POU3F1: variants seen among roughly 807,000 people sequenced by gnomAD.
POU3F1 encodes POU domain, class 3, transcription factor 1.
In POU3F1, 1 loss-of-function variant was observed where a neutral mutation model predicts 7.6. The observed-to-expected ratio is 0.13, with a 90% CI of 0.05 to 0.62. POU3F1 has a LOEUF of 0.62. Among genes scored for constraint, POU3F1 ranks in the 20% least tolerant of loss-of-function variants. POU3F1 has a pLI of 0.87. For missense variants in POU3F1, 505 were observed against 679.3 expected, an observed-to-expected ratio of 0.74 and a Z score of 2.85; for synonymous variants, 354 against 339.0, an observed-to-expected ratio of 1.04 and a Z score of -0.49.
chr1:38,046,657 C>G lies in POU3F1; in HGVS notation c.87G>C (p.Ala29=). The change falls in exon 1 of 1, where the codon GCG becomes GCC. Residue 29 remains alanine (A), a synonymous_variant. Coordinates refer to ENST00000373012, the MANE Select transcript of POU3F1 (RefSeq NM_002699.4). This position sits in a 1 kb window ranked among gnomAD's most constrained non-coding sequence, Gnocchi z 9.5. ...TGPLMHPDAA[A]AAAAAAAAER... is the part of the protein sequence containing the mutation. ...CCGCGGCCGCCGCCGCCGCCGCCGC[C>G]GCCGCGGCGTCCGGGTGCATAAGCG... 7.7e-7 allele frequency: 1 copy of G among 1,297,326 alleles called. No individual in the cohort carries two copies. The highest frequency in any genetic ancestry group is 9.8e-7 in the Non-Finnish European group (1 of 1,020,626). The allele number at this position is 1,297,326 out of a possible 1,614,324, so 80.4% of individuals were successfully genotyped here. A position where few individuals can be genotyped will look rare whatever the true frequency, so the allele number is the denominator to read the frequency against.
Position 38,046,565 on chromosome 1 carries a change from G to C in POU3F1, c.179C>G (p.Ala60Gly). The C allele has an allele frequency of 7.3e-7, 1 of 1,374,206 alleles. No individual in the cohort carries two copies. The highest frequency in any genetic ancestry group is 1.6e-5 in the South Asian group (1 of 64,476). 85.1% of individuals were successfully genotyped at this position (1,374,206 alleles called of 1,614,324 possible). A position where few individuals can be genotyped will look rare whatever the true frequency, so the allele number is the denominator to read the frequency against. Reference protein sequence around the residue: ...QKLMHHEWLGAGAGHPVGLAH... With the variant: ...QKLMHHEWLGGGAGHPVGLAH... ...TAGGCCCACGGGGTGGCCCGCGCCC[G>C]CGCCCAGCCACTCGTGGTGCATCAG... Residue 60 changes from alanine (A) to glycine (G), a missense_variant, in exon 1 of 1, where the codon GCG becomes GGG. Physicochemically the swap from Ala to Gly is moderately conservative, Grantham distance 60. Transcript: ENST00000373012. The surrounding 1 kb of genome is among the most constrained non-coding windows in gnomAD (Gnocchi z 9.5).
At position 38,045,187 on chromosome 1, in the gene POU3F1, G is replaced by T. The variant is rs1031018589; in HGVS notation, c.*201C>A. 2 of 171,844 alleles carry T rather than the reference G, an allele frequency of 1.2e-5. No homozygotes were observed. Among genetic ancestry groups the T allele is most frequent in the Non-Finnish European group, 1.2e-5 (1 of 82,628 alleles). 10.6% of individuals were successfully genotyped at this position (171,844 alleles called of 1,614,324 possible). A position where few individuals can be genotyped will look rare whatever the true frequency, so the allele number is the denominator to read the frequency against. ...CCGGATCTTCGCTCCTCTCTCCCGG[G>T]GCTCGGGCGACGCAGCCTACCGGGC... is the stretch of plus-strand genomic sequence containing the variant. On this transcript the variant is annotated 3_prime_UTR_variant, in exon 1 of 1. Transcript: ENST00000373012. This position sits in a 1 kb window ranked among gnomAD's most constrained non-coding sequence, Gnocchi z 9.4.
At position 38,045,741 on chromosome 1, in the gene POU3F1, C is replaced by G; in HGVS notation, c.1003G>C (p.Ala335Pro). The change falls in exon 1 of 1, where the codon GCG becomes CCG. Residue 335 changes from alanine (A) to proline (P), a missense_variant. Coordinates refer to ENST00000373012, the MANE Select transcript of POU3F1 (RefSeq NM_002699.4). The surrounding 1 kb of genome is among the most constrained non-coding windows in gnomAD (Gnocchi z 9.4). Reference sequence around the variant, plus strand: ...CGCTTCTTGCGCTTGCGGCCCTGCGCCGCGATCTTGTCCAGGTTGGTGGGG... The same window carrying G: ...CGCTTCTTGCGCTTGCGGCCCTGCGGCGCGATCTTGTCCAGGTTGGTGGGG... ...GSPTNLDKIA[A>P]QGRKRKKRTS... The G allele has an allele frequency of 1.2e-6, 2 of 1,613,566 alleles. No homozygotes were observed. The highest frequency in any genetic ancestry group is 1.7e-6 in the Non-Finnish European group (2 of 1,179,834).
Position 38,046,372 on chromosome 1 carries a change from C to T in POU3F1, c.372G>A (p.Ala124=), listed in dbSNP as rs1468399026. The T allele has an allele frequency of 5.7e-6, 7 of 1,220,620 alleles. No individual in the cohort carries two copies. Among genetic ancestry groups the T allele is most frequent in the Non-Finnish European group, 6.1e-6 (6 of 985,354 alleles). The allele number at this position is 1,220,620 out of a possible 1,614,324, so 75.6% of individuals were successfully genotyped here. A position where few individuals can be genotyped will look rare whatever the true frequency, so the allele number is the denominator to read the frequency against. ...ARLVHQGAAH[A]GAAWAQGSTA... The stretch of plus-strand genomic sequence containing the variant: ...TGCTGCCCTGCGCCCATGCCGCGCC[C>T]GCGTGGGCCGCCCCCTGGTGCACCA... Residue 124 remains alanine, a synonymous_variant, in exon 1 of 1, where the codon GCG becomes GCA. Transcript: ENST00000373012. The surrounding 1 kb of genome is among the most constrained non-coding windows in gnomAD (Gnocchi z 9.5).
chr1:38,046,098 C>T lies in POU3F1; in HGVS notation c.646G>A (p.Gly216Arg), dbSNP rs536460366. 8.3e-6 allele frequency: 11 copies of T among 1,324,158 alleles called. No homozygotes were observed. The highest frequency in any genetic ancestry group is 1.4e-5 in the South Asian group (1 of 70,580). 82.0% of individuals were successfully genotyped at this position (1,324,158 alleles called of 1,614,324 possible). The change falls in exon 1 of 1, where the codon GGA (glycine) becomes AGA (arginine). Residue 216 changes from glycine (G) to arginine (R), a missense_variant. By Grantham distance (125) the Gly-to-Arg change is moderately radical (BLOSUM62 -2). This residue lies in a region of POU3F1 where 361 missense variants were observed against 382.1 expected (regional missense o/e 0.94). Transcript: ENST00000373012. This position sits in a 1 kb window ranked among gnomAD's most constrained non-coding sequence, Gnocchi z 9.5. ...TGCAGGCCGCCCGCGTGTGCATGTCCGTGTGCGTGTCCGTGGGCGCCCAGA... is the reference window on the plus strand; with the variant it reads ...TGCAGGCCGCCCGCGTGTGCATGTCTGTGTGCGTGTCCGTGGGCGCCCAGA... ...PHLGAHGHAH[G>R]HAHAGGLHAA...
In POU3F1 at chr1:38,044,273, G is replaced by GGCATCCC. The variant is rs1276963500; in HGVS notation, c.*1108_*1114dup. Among the ~76,000 whole-genome samples, 4 of 152,380 alleles carry GGCATCCC rather than the reference G, an allele frequency of 2.6e-5. No individual in the cohort carries two copies. The highest frequency in any genetic ancestry group is 4.1e-4 in the South Asian group (2 of 4,832). On this transcript the variant is annotated 3_prime_UTR_variant, in exon 1 of 1. Coordinates refer to ENST00000373012, the MANE Select transcript of POU3F1 (RefSeq NM_002699.4). ...GGGAATTTCTCTCCCGGCCTCCCCT[G>GGCATCCC]GCATCCCGCATCCCGGCGGGCTGGA...
chr1:38,045,464 G>A lies in POU3F1; in HGVS notation c.1280C>T (p.Pro427Leu), dbSNP rs1391156380. 4.1e-6 allele frequency: 6 copies of A among 1,461,162 alleles called. No individual in the cohort carries two copies. The highest frequency in any genetic ancestry group is 2.5e-5 in the East Asian group (1 of 39,820). The allele number at this position is 1,461,162 out of a possible 1,614,324, so 90.5% of individuals were successfully genotyped here. The change falls in exon 1 of 1, where the codon CCC becomes CTC. Residue 427 changes from proline to leucine, a missense_variant. By Grantham distance (98) the Pro-to-Leu change is moderately conservative. Coordinates refer to ENST00000373012, the MANE Select transcript of POU3F1 (RefSeq NM_002699.4). This position sits in a 1 kb window ranked among gnomAD's most constrained non-coding sequence, Gnocchi z 9.4. The stretch of plus-strand genomic sequence containing the variant: ...CGGCGGGGGCGGTGGGGGCGCGGAG[G>A]GTGGCGATGCGCCGCCCCCGCCAGG... ...LGPGGGGASP[P>L]SAPPPPPPAA...
In POU3F1 at chr1:38,046,760, C is replaced by T; in HGVS notation, c.-17G>A. 1.0e-6 allele frequency: 1 copy of T among 983,102 alleles called. No individual in the cohort carries two copies. Among genetic ancestry groups the T allele is most frequent in the Non-Finnish European group, 1.2e-6 (1 of 831,112 alleles). 60.9% of individuals were successfully genotyped at this position (983,102 alleles called of 1,614,324 possible). A position where few individuals can be genotyped will look rare whatever the true frequency, so the allele number is the denominator to read the frequency against. ...GGTGGCCATGCCGCCCCGCGCCCTG[C>T]GCCGCGCCGCCGCCGCCGCTCCGCT... is the stretch of plus-strand genomic sequence containing the variant. On this transcript the variant is annotated 5_prime_UTR_variant, in exon 1 of 1. Coordinates refer to ENST00000373012, the MANE Select transcript of POU3F1 (RefSeq NM_002699.4). The surrounding 1 kb of genome is among the most constrained non-coding windows in gnomAD (Gnocchi z 9.5).
chr1:38,046,652 GC>G lies in POU3F1; in HGVS notation c.91del (p.Ala31ArgfsTer22). 7.7e-7 allele frequency: 1 copy of G among 1,305,644 alleles called. No homozygotes were observed. Among genetic ancestry groups the G allele is most frequent in the Non-Finnish European group, 9.8e-7 (1 of 1,024,550 alleles). The allele number at this position is 1,305,644 out of a possible 1,614,324, so 80.9% of individuals were successfully genotyped here. A position where few individuals can be genotyped will look rare whatever the true frequency, so the allele number is the denominator to read the frequency against. ...PLMHPDAAAA[A>X]AAAAAAERLH... ...TCGCTCCGCGGCCGCCGCCGCCGCC[GC>G]CGCCGCCGCGGCGTCCGGGTGCATA... On this transcript the variant is annotated frameshift_variant, in exon 1 of 1. Coordinates refer to ENST00000373012, the MANE Select transcript of POU3F1 (RefSeq NM_002699.4). LOFTEE classifies it low-confidence loss of function (END_TRUNC). This position sits in a 1 kb window ranked among gnomAD's most constrained non-coding sequence, Gnocchi z 9.5.
chr1:38,044,430 C>T lies in POU3F1; in HGVS notation c.*958G>A, dbSNP rs571971648. Among the ~76,000 whole-genome samples the T allele has an allele frequency of 6.6e-6, 1 of 152,372 alleles. No homozygotes were observed. The highest frequency in any genetic ancestry group is 1.9e-4 in the East Asian group (1 of 5,184). Reference sequence around the variant, plus strand: ...TTGGTGTGGCCAGGAGGGCAGGGCCCCGCGGGGAGCAGGGGCCGCGCTATG... The same window carrying T: ...TTGGTGTGGCCAGGAGGGCAGGGCCTCGCGGGGAGCAGGGGCCGCGCTATG... On this transcript the variant is annotated 3_prime_UTR_variant, in exon 1 of 1. Transcript: ENST00000373012.
In POU3F1 at chr1:38,045,524, G is replaced by T; in HGVS notation, c.1220C>A (p.Pro407His). Residue 407 changes from proline (P) to histidine (H), a missense_variant, in exon 1 of 1, where the codon CCC becomes CAC. Around this residue, in one of 5 missense-constraint regions of POU3F1, gnomAD observed 72 missense variants for 93.7 expected, o/e 0.77. Coordinates refer to ENST00000373012, the MANE Select transcript of POU3F1 (RefSeq NM_002699.4). The surrounding 1 kb of genome is among the most constrained non-coding windows in gnomAD (Gnocchi z 9.4). The part of the protein sequence containing the change: ...MTPAAGAGHP[P>H]MDDVYAPGEL... ...CCCAGGCGCGTATACATCGTCCATG[G>T]GCGGGTGGCCCGCGCCGGCCGCAGG... The T allele has an allele frequency of 6.3e-7, 1 of 1,592,422 alleles. No individual in the cohort carries two copies. Among genetic ancestry groups the T allele is most frequent in the Non-Finnish European group, 8.5e-7 (1 of 1,170,024 alleles).
Position 38,046,471 on chromosome 1 carries a change from TTC to T in POU3F1, c.271_272del (p.Glu91ThrfsTer195). On this transcript the variant is annotated frameshift_variant, in exon 1 of 1. Coordinates refer to ENST00000373012, the MANE Select transcript of POU3F1 (RefSeq NM_002699.4). LOFTEE classifies it low-confidence loss of function (END_TRUNC). The surrounding 1 kb of genome is among the most constrained non-coding windows in gnomAD (Gnocchi z 9.5). ...TGCCGCCGCCGCCTGCCTTGCCGTG[TTC>T]TAGGTGCGGGCCGCCGGCCCAATCG... The part of the protein sequence containing the change: ...GGDWAGGPHL[E>X]HGKAGGGGTG... 1 of 1,356,134 alleles carries T rather than the reference TTC, an allele frequency of 7.4e-7. No homozygotes were observed. The highest frequency in any genetic ancestry group is 9.5e-7 in the Non-Finnish European group (1 of 1,053,096). The allele number at this position is 1,356,134 out of a possible 1,614,324, so 84.0% of individuals were successfully genotyped here. A position where few individuals can be genotyped will look rare whatever the true frequency, so the allele number is the denominator to read the frequency against.
At position 38,045,349 on chromosome 1, in the gene POU3F1, G is replaced by C. The variant is rs1390674001; in HGVS notation, c.*39C>G. The stretch of plus-strand genomic sequence containing the variant: ...GGCCGCGCGGGCGGGCTGCGCGCCC[G>C]CGCCCTGCAGCGCGCCGGCGGGGGC... On this transcript the variant is annotated 3_prime_UTR_variant, in exon 1 of 1. Transcript: ENST00000373012. The surrounding 1 kb of genome is among the most constrained non-coding windows in gnomAD (Gnocchi z 9.4). 2 of 996,568 alleles carry C rather than the reference G, an allele frequency of 2.0e-6. No homozygotes were observed. Among genetic ancestry groups the C allele is most frequent in the Non-Finnish European group, 2.5e-6 (2 of 804,550 alleles). 61.7% of individuals were successfully genotyped at this position (996,568 alleles called of 1,614,324 possible).
chr1:38,046,637 GC>G lies in POU3F1; in HGVS notation c.106del (p.Ala36ProfsTer17). ...GGCCCCTGCATGCAATCGCTCCGCG[GC>G]CGCCGCCGCCGCCGCCGCCGCCGCG... Reference protein sequence around the residue: ...DAAAAAAAAAAAERLHAGAAY... With the variant: ...DAAAAAAAAAXAERLHAGAAY... On this transcript the variant is annotated frameshift_variant, in exon 1 of 1. Coordinates refer to ENST00000373012, the MANE Select transcript of POU3F1 (RefSeq NM_002699.4). LOFTEE classifies it low-confidence loss of function (END_TRUNC). This position sits in a 1 kb window ranked among gnomAD's most constrained non-coding sequence, Gnocchi z 9.5. 8.6e-7 allele frequency: 1 copy of G among 1,169,488 alleles called. No individual in the cohort carries two copies. The highest frequency in any genetic ancestry group is 2.4e-5 in the South Asian group (1 of 41,234). 72.4% of individuals were successfully genotyped at this position (1,169,488 alleles called of 1,614,324 possible).
rs1646848367 is a variant in POU3F1 at position 38,044,669 on chromosome 1, G to C, written c.*719C>G. The C allele has an allele frequency of 6.6e-6, 1 of 151,960 alleles. No individual in the cohort carries two copies. The highest frequency in any genetic ancestry group is 1.5e-5 in the Non-Finnish European group (1 of 67,914). The allele number at this position is 151,960 out of a possible 1,614,324, so 9.4% of individuals were successfully genotyped here. A position where few individuals can be genotyped will look rare whatever the true frequency, so the allele number is the denominator to read the frequency against. On this transcript the variant is annotated 3_prime_UTR_variant, in exon 1 of 1. Coordinates refer to ENST00000373012, the MANE Select transcript of POU3F1 (RefSeq NM_002699.4). ...AAATATAAGGGGAAAAATAAATTAGGCTAGATTAAAGCTTTGGCTATTTCC... is the reference window on the plus strand; with the variant it reads ...AAATATAAGGGGAAAAATAAATTAGCCTAGATTAAAGCTTTGGCTATTTCC...
chr1:38,046,222 C>A lies in POU3F1; in HGVS notation c.522G>T (p.Gly174=). The change falls in exon 1 of 1, where the codon GGG becomes GGT. Residue 174 remains glycine, a synonymous_variant. Coordinates refer to ENST00000373012, the MANE Select transcript of POU3F1 (RefSeq NM_002699.4). This position sits in a 1 kb window ranked among gnomAD's most constrained non-coding sequence, Gnocchi z 9.5. ...YPGGGGGGLA[G]MLAAGGGGAG... ...CGCCGCCACCGCCCGCCGCCAGCAT[C>A]CCGGCCAGGCCGCCGCCGCCGCCCC... 1 of 1,068,224 alleles carries A rather than the reference C, an allele frequency of 9.4e-7. No homozygotes were observed. Among genetic ancestry groups the A allele is most frequent in the South Asian group, 4.3e-5 (1 of 23,086 alleles). The allele number at this position is 1,068,224 out of a possible 1,614,324, so 66.2% of individuals were successfully genotyped here.
In POU3F1 at chr1:38,046,669, C is replaced by T. The variant is rs921264812; in HGVS notation, c.75G>A (p.Pro25=). The T allele has an allele frequency of 9.5e-6, 12 of 1,268,926 alleles. No individual in the cohort carries two copies. In the African/African-American group the frequency reaches 1.4e-4, roughly 15 times the overall value. The allele number at this position is 1,268,926 out of a possible 1,614,324, so 78.6% of individuals were successfully genotyped here. The change falls in exon 1 of 1, where the codon CCG becomes CCA. Residue 25 remains proline (P), a synonymous_variant. Transcript: ENST00000373012. The surrounding 1 kb of genome is among the most constrained non-coding windows in gnomAD (Gnocchi z 9.5). ...GAGGTGPLMH[P]DAAAAAAAAA... Reference sequence around the variant, plus strand: ...CCGCCGCCGCCGCCGCCGCGGCGTCCGGGTGCATAAGCGGCCCGGTGCCCC... The same window carrying T: ...CCGCCGCCGCCGCCGCCGCGGCGTCTGGGTGCATAAGCGGCCCGGTGCCCC...
chr1:38,046,021 C>A lies in POU3F1; in HGVS notation c.723G>T (p.Val241=). The A allele has an allele frequency of 6.3e-7, 1 of 1,592,736 alleles. No individual in the cohort carries two copies. Among genetic ancestry groups the A allele is most frequent in the South Asian group, 1.1e-5 (1 of 89,050 alleles). Residue 241 remains valine (V), a synonymous_variant, in exon 1 of 1, where the codon GTG becomes GTT. Coordinates refer to ENST00000373012, the MANE Select transcript of POU3F1 (RefSeq NM_002699.4). The surrounding 1 kb of genome is among the most constrained non-coding windows in gnomAD (Gnocchi z 9.5). ...HPGAGGGGSS[V]GEHSDEDAPS... ...GCGCATCCTCGTCCGAGTGCTCGCC[C>A]ACCGATGAGCCGCCGCCGCCCGCGC...
rs1415918630 is a variant in POU3F1 at position 38,046,277 on chromosome 1, AGCGGCT to A, written c.461_466del (p.Gln154_Pro155del). ...GTAGGCCGCCTGCGCGTACAGCCCG[AGCGGCT>A]GGGGCTGGTGGCCCCCGCTGGCCCC... On this transcript the variant is annotated inframe_deletion, in exon 1 of 1. Transcript: ENST00000373012. The surrounding 1 kb of genome is among the most constrained non-coding windows in gnomAD (Gnocchi z 9.5). 9.8e-6 allele frequency: 11 copies of A among 1,123,622 alleles called. No homozygotes were observed. The highest frequency in any genetic ancestry group is 1.1e-6 in the Non-Finnish European group (1 of 924,696). 69.6% of individuals were successfully genotyped at this position (1,123,622 alleles called of 1,614,324 possible). A position where few individuals can be genotyped will look rare whatever the true frequency, so the allele number is the denominator to read the frequency against.
Sources: allele counts gnomAD v4.1 joint callset (sites outside exome capture counted in the v4.1 genomes callset), GRCh38; gene constraint gnomAD v4.1.1; regional missense constraint gnomAD v4.1.1; non-coding constraint Gnocchi (gnomAD v3.1); transcripts MANE v1.5; gene names NCBI Gene and HGNC (gene_info 2026-07-23, HGNC 2026-07-21).